Variants in TMEM217B observed in about 807,000 individuals in gnomAD.
TMEM217B encodes the protein putative transmembrane protein 217B.
At chr6:37,256,009 A>G in the TMEM217B span, among the ~76,000 whole-genome samples, 1 of 152,196 alleles carries the variant, frequency 6.6e-6, no homozygotes, top group African/African-American at 2.4e-5. Flanking sequence ...TTAACATTTC[A>G]TAGAAGATTA....
chr6:37,214,225 TTC>T, the TMEM217B span, among the ~76,000 whole-genome samples: 78 of 148,926 alleles, frequency 5.2e-4, no homozygotes, highest in East Asian at 7.8e-4. Context: ...AGAACTTCCT[TTC>T]TCTCTCTCTC....
At chr6:37,247,805 T>C in the TMEM217B span, among the ~76,000 whole-genome samples, 3 of 152,178 alleles carry the variant, frequency 2.0e-5, no homozygotes, top group African/African-American at 7.2e-5. Context: ...GTTTACCAAC[T>C]CCTGAGAGTC....
At chr6:37,248,353 T>G in the TMEM217B span, among the ~76,000 whole-genome samples, 3 of 152,228 alleles carry the variant, frequency 2.0e-5, no homozygotes, top group East Asian at 5.8e-4. Context: ...CTACAGTGTG[T>G]GGCAATGATC....
the TMEM217B span, among the ~76,000 whole-genome samples, chr6:37,236,344 C>T: frequency 5.9e-5 from 9 of 152,116 alleles, no homozygotes; most frequent in Admixed American, 1.3e-4. Context: ...TTATCATTTG[C>T]CAATCTGCAG....
chr6:37,246,504 C>T, the TMEM217B span, among the ~76,000 whole-genome samples: 1 of 152,164 alleles, frequency 6.6e-6, no homozygotes, highest in Non-Finnish European at 1.5e-5. Context: ...TCATGCACTG[C>T]AAGAGGGAGT....
the TMEM217B span, among the ~76,000 whole-genome samples, chr6:37,230,828 G>C: frequency 1.3e-5 from 2 of 152,038 alleles, no homozygotes; most frequent in Non-Finnish European, 2.9e-5. Context: ...TGGGTAAATT[G>C]CCTCTCTACC....
At chr6:37,245,861 G>A in the TMEM217B span, among the ~76,000 whole-genome samples, 135,324 of 151,212 alleles carry the variant, frequency 0.89, 60,588 homozygotes, top group African/African-American at 0.92. Context: ...GTGCAATGGC[G>A]CAATTTTGGC....
chr6:37,241,151 T>C, the TMEM217B span, among the ~76,000 whole-genome samples: 2 of 147,750 alleles, frequency 1.4e-5, no homozygotes, highest in African/African-American at 2.5e-5. Context: ...CAGGCTGGAG[T>C]GTAGTGGCAC....
the TMEM217B span, among the ~76,000 whole-genome samples, chr6:37,245,514 G>A: frequency 1.1e-4 from 16 of 152,368 alleles, no homozygotes; most frequent in African/African-American, 3.4e-4. Flanking sequence ...CCATGACTTA[G>A]TTCACAGGAA....
chr6:37,212,952 GA>G, the TMEM217B span: 3 of 1,549,574 alleles, frequency 1.9e-6, no homozygotes, highest in African/African-American at 4.1e-5. Context: ...CCATGAGGGA[GA>G]ACATCCTGAC....
At chr6:37,257,926 T>G in the TMEM217B span, 2 of 1,613,950 alleles carry the variant, frequency 1.2e-6, no homozygotes, top group Non-Finnish European at 1.7e-6. Flanking sequence ...CAATGGCCGC[T>G]GAGAACAGCA....
the TMEM217B span, chr6:37,217,976 G>T: frequency 1.6e-4 from 162 of 988,918 alleles, no homozygotes; most frequent in Admixed American, 3.7e-3. Flanking sequence ...GGATGTTCCG[G>T]TTGTGATTAT....
chr6:37,241,336 G>A, the TMEM217B span, among the ~76,000 whole-genome samples: 1 of 151,980 alleles, frequency 6.6e-6, no homozygotes. Context: ...GGCTGTCTAC[G>A]TGGTGGGGAA....
the TMEM217B span, among the ~76,000 whole-genome samples, chr6:37,252,215 T>C: frequency 6.6e-6 from 1 of 152,202 alleles, no homozygotes; most frequent in Non-Finnish European, 1.5e-5. Context: ...TTTTTAATTG[T>C]TGAAAAACTT....
chr6:37,228,966 C>T, the TMEM217B span, among the ~76,000 whole-genome samples: 1 of 151,446 alleles, frequency 6.6e-6, no homozygotes, highest in Non-Finnish European at 1.5e-5. Flanking sequence ...CACTGCACTC[C>T]AGCCTGGGTG....
At chr6:37,239,359 A>G in the TMEM217B span, among the ~76,000 whole-genome samples, 2 of 151,902 alleles carry the variant, frequency 1.3e-5, no homozygotes, top group Admixed American at 1.3e-4. Context: ...CTTGGTGGCC[A>G]CGCCTGTAGT....
chr6:37,245,686 G>GAGGAGGAGC, the TMEM217B span, among the ~76,000 whole-genome samples: 1 of 152,308 alleles, frequency 6.6e-6, no homozygotes, highest in Non-Finnish European at 1.5e-5. Flanking sequence ...CAATAAGGAA[G>GAGGAGGAGC]AGGAGGAGCA....
At chr6:37,218,459 G>A in the TMEM217B span, 2 of 1,612,858 alleles carry the variant, frequency 1.2e-6, no homozygotes, top group Non-Finnish European at 8.5e-7. Flanking sequence ...TTCCAGGTGT[G>A]AGCCACTGAA....
chr6:37,238,996 G>A, the TMEM217B span, among the ~76,000 whole-genome samples: 2 of 152,076 alleles, frequency 1.3e-5, no homozygotes, highest in East Asian at 1.9e-4. Context: ...CAGGCATGTT[G>A]GCACATGCCT....
Sources: allele counts gnomAD v4.1 joint callset (sites outside exome capture counted in the v4.1 genomes callset), GRCh38; gene constraint gnomAD v4.1.1; transcripts MANE v1.5; gene names NCBI Gene and HGNC (gene_info 2026-07-23, HGNC 2026-07-21).